Variants in DLEU7 observed in about 807,000 individuals in gnomAD.
DLEU7 encodes the protein deleted in lymphocytic leukemia 7.
DLEU7 carries 17 observed loss-of-function variants against 16.0 expected under a neutral mutation model. The observed-to-expected ratio is 1.06, with a 90% CI of 0.73 to 1.59. The LOEUF (loss-of-function observed/expected upper bound fraction) is 1.59, where lower values mean the gene tolerates loss of function less well. Ranked by LOEUF, DLEU7 falls within the 40% of genes most tolerant of loss-of-function variation. The probability of loss-of-function intolerance (pLI) is 0.00; values close to 1 mark genes in which losing one functional copy is unlikely to be tolerated. For synonymous variants in DLEU7, 113 were observed against 139.8 expected (o/e 0.81, Z 1.35); for missense variants, 308 against 314.9 (o/e 0.98, Z 0.17).
intron 1 of DLEU7, among the ~76,000 whole-genome samples, chr13:50,811,493 T>C (rs1234053504): frequency 6.6e-6 from 1 of 152,122 alleles, no homozygotes; most frequent in Non-Finnish European, 1.5e-5. Flanking sequence ...GAAAGGATTG[T>C]GATGATGGGC....
chr13:50,840,788 TG>T (rs145913521), intron 1 of DLEU7, among the ~76,000 whole-genome samples: 14,077 of 151,452 alleles, frequency 0.093, 917 homozygotes, highest in African/African-American at 0.18. Context: ...TACATGGGGA[TG>T]GGGGGGCAGC....
At chr13:50,827,393 T>C (rs1877121196) in intron 1 of DLEU7, among the ~76,000 whole-genome samples, 1 of 152,102 alleles carries the variant, frequency 6.6e-6, no homozygotes, top group Admixed American at 6.5e-5. Flanking sequence ...ATTAAAATTT[T>C]ATTGGCTGGG....
At chr13:50,773,974 C>T (rs966653654) in intron 1 of DLEU7, among the ~76,000 whole-genome samples, 2 of 152,184 alleles carry the variant, frequency 1.3e-5, no homozygotes, top group African/African-American at 4.8e-5. Flanking sequence ...TCAGCAATGG[C>T]GGACGCCCCT....
chr13:50,765,875 C>T lies in DLEU7; in HGVS notation c.460-52635G>A, dbSNP rs1053157228. Among the ~76,000 whole-genome samples, 7 of 152,232 alleles carry T rather than the reference C, an allele frequency of 4.6e-5. No individual in the cohort carries two copies. The South Asian group carries it at 6.2e-4, about 14-fold the overall frequency. ...GTGAAGGCCAAGAAAACTTGCATTGCGTGGATTATTTGGAGGCTCAAAAGG... is the reference window on the plus strand; with the variant it reads ...GTGAAGGCCAAGAAAACTTGCATTGTGTGGATTATTTGGAGGCTCAAAAGG... On this transcript the variant is annotated intron_variant, in intron 1 of 1. Transcript: ENST00000400393.
intron 1 of DLEU7, among the ~76,000 whole-genome samples, chr13:50,794,330 G>T (rs918233350): frequency 6.6e-6 from 1 of 151,052 alleles, no homozygotes; most frequent in Admixed American, 6.6e-5. Context: ...GGAGTGTTTG[G>T]TCACAATAAT....
rs1055223247 is a variant in DLEU7 at position 50,726,428 on chromosome 13, C to T, written c.460-13188G>A. Among the ~76,000 whole-genome samples, 33 of 152,160 alleles carry T rather than the reference C, an allele frequency of 2.2e-4. No individual in the cohort carries two copies. The highest frequency in any genetic ancestry group is 4.6e-4 in the Non-Finnish European group (31 of 68,032). ...CTGACTTTCCCGCCTCCTCCTTTCA[C>T]GGAACACAGGCTTCCATTTAACCAG... On this transcript the variant is annotated intron_variant, in intron 1 of 1. Coordinates refer to the DLEU7 transcript ENST00000400393. The surrounding 1 kb of genome is among the most constrained non-coding windows in gnomAD (Gnocchi z 4.0).
At chr13:50,775,846 T>C (rs985400589) in intron 1 of DLEU7, among the ~76,000 whole-genome samples, 1 of 152,254 alleles carries the variant, frequency 6.6e-6, no homozygotes, top group African/African-American at 2.4e-5. Flanking sequence ...TTAGTCTCTT[T>C]TTTATAATTC....
At chr13:50,826,772 G>A (rs984782742) in intron 1 of DLEU7, among the ~76,000 whole-genome samples, 1 of 152,120 alleles carries the variant, frequency 6.6e-6, no homozygotes, top group Non-Finnish European at 1.5e-5. Context: ...TACTCTTAAA[G>A]GCAATCAGAA....
At chr13:50,783,753 T>G (rs1007222421) in intron 1 of DLEU7, among the ~76,000 whole-genome samples, 4 of 152,208 alleles carry the variant, frequency 2.6e-5, no homozygotes, top group African/African-American at 9.6e-5. Flanking sequence ...GGAGACGTAC[T>G]GGTGAGCTGA....
chr13:50,776,594 A>G (rs1426629189), intron 1 of DLEU7, among the ~76,000 whole-genome samples: 2 of 152,214 alleles, frequency 1.3e-5, no homozygotes, highest in South Asian at 2.1e-4. Context: ...ATTCCTAAAT[A>G]GTCATTATAA....
At chr13:50,750,143 T>C (rs1332113830) in intron 1 of DLEU7, among the ~76,000 whole-genome samples, 1 of 152,216 alleles carries the variant, frequency 6.6e-6, no homozygotes, top group Admixed American at 6.5e-5. Context: ...AGTTTCATTC[T>C]CCTATATGTG....
intron 1 of DLEU7, among the ~76,000 whole-genome samples, chr13:50,816,907 C>A (rs886818904): frequency 6.6e-6 from 1 of 152,066 alleles, no homozygotes; most frequent in Non-Finnish European, 1.5e-5. Context: ...CACACACACA[C>A]GGCGCCAAGC....
At chr13:50,841,950 C>T (rs1593420640) in intron 1 of DLEU7, among the ~76,000 whole-genome samples, 2 of 152,000 alleles carry the variant, frequency 1.3e-5, no homozygotes, top group South Asian at 2.1e-4. Flanking sequence ...CCACCGCCCC[C>T]GCCACCTTTG....
exon 2 of DLEU7, chr13:50,713,112 A>T (rs950717099): frequency 1.1e-4 from 141 of 1,342,802 alleles, no homozygotes; most frequent in Non-Finnish European, 1.1e-4. Flanking sequence ...TGGTAATAAG[A>T]AGTGGTTTAA....
downstream of DLEU7, among the ~76,000 whole-genome samples, chr13:50,821,520 A>G (rs1876904064): frequency 2.0e-5 from 3 of 152,164 alleles, no homozygotes; most frequent in African/African-American, 4.8e-5. Flanking sequence ...CCAGAAAAGT[A>G]GCACAAAATG....
intron 1 of DLEU7, among the ~76,000 whole-genome samples, chr13:50,801,732 C>G (rs368159444): frequency 1.3e-5 from 2 of 152,120 alleles, no homozygotes; most frequent in African/African-American, 4.8e-5. Flanking sequence ...CCACAAACCA[C>G]AACATCATTT....
At chr13:50,833,068 A>G (rs1245031244) in intron 1 of DLEU7, among the ~76,000 whole-genome samples, 1 of 152,224 alleles carries the variant, frequency 6.6e-6, no homozygotes, top group Non-Finnish European at 1.5e-5. Flanking sequence ...AGAGCTATTT[A>G]TGACAAACCC....
chr13:50,713,150 A>G (rs781413764), exon 2 of DLEU7: 3 of 1,577,304 alleles, frequency 1.9e-6, no homozygotes, highest in Non-Finnish European at 2.6e-6. Flanking sequence ...TCTGGCATTC[A>G]GAATTTGGCA....
At chr13:50,836,026 A>G (rs1566269433) in intron 1 of DLEU7, among the ~76,000 whole-genome samples, 1 of 152,260 alleles carries the variant, frequency 6.6e-6, no homozygotes, top group Non-Finnish European at 1.5e-5. Flanking sequence ...GATAACATTT[A>G]AACAATCCAC....
Sources: allele counts gnomAD v4.1 joint callset (sites outside exome capture counted in the v4.1 genomes callset), GRCh38; gene constraint gnomAD v4.1.1; non-coding constraint Gnocchi (gnomAD v3.1); transcripts MANE v1.5; gene names NCBI Gene and HGNC (gene_info 2026-07-23, HGNC 2026-07-21).